The following LAMA2 variants were observed in gnomAD, a reference collection of about 807,000 sequenced individuals.
The protein encoded by LAMA2 is laminin subunit alpha 2, also known as laminin subunit alpha-2.
Under a neutral mutation model 364.8 loss-of-function variants are expected in LAMA2, and 269 were observed. That is an observed-to-expected ratio of 0.74 (90% CI 0.67 to 0.82). LAMA2 has a LOEUF of 0.82. Ranked by LOEUF, LAMA2 falls within the 40% of genes least tolerant of loss-of-function variation. LAMA2 has a pLI of 0.00. For synonymous variants in LAMA2, 1,379 were observed against 1,370.6 expected (o/e 1.01, Z -0.14); for missense variants, 3,807 against 3,873.2 (o/e 0.98, Z 0.45).
At chr6:129,392,240 A>T (rs1170040069) in intron 36 of LAMA2, among the ~76,000 whole-genome samples, 2 of 152,242 alleles carry the variant, frequency 1.3e-5, no homozygotes, top group African/African-American at 4.8e-5. Flanking sequence ...CACTCAATAA[A>T]ATAGATACAT....
chr6:129,492,021 A>G lies in LAMA2; in HGVS notation c.8019A>G (p.Pro2673=). 6.2e-7 allele frequency: 1 copy of G among 1,614,080 alleles called. No individual in the cohort carries two copies. Among genetic ancestry groups the G allele is most frequent in the Non-Finnish European group, 8.5e-7 (1 of 1,179,972 alleles). Residue 2673 remains proline (P), a synonymous_variant, in exon 57 of 65, where the codon CCA becomes CCG. Transcript: ENST00000421865. ...CTCCACCTGAATTTCAACCTTCCCC[A>G]CTCAGAAATATTCCTCCTTTTGAAG... is the stretch of plus-strand genomic sequence containing the variant. The part of the protein sequence containing the change: ...GGAPPEFQPS[P]LRNIPPFEGC...
At chr6:129,242,032 C>T (rs1202967463) in intron 12 of LAMA2, among the ~76,000 whole-genome samples, 1 of 152,114 alleles carries the variant, frequency 6.6e-6, no homozygotes, top group Admixed American at 6.6e-5. Context: ...AAATGCCCTC[C>T]ATCTGAATAA....
chr6:129,361,693 G>C (rs779888310), intron 32 of LAMA2, among the ~76,000 whole-genome samples: 1 of 151,696 alleles, frequency 6.6e-6, no homozygotes, highest in Non-Finnish European at 1.5e-5. Flanking sequence ...GTTGGTCAGA[G>C]TATGTTGCAA....
chr6:129,121,384 G>A (rs189561331), intron 4 of LAMA2, among the ~76,000 whole-genome samples: 1 of 152,234 alleles, frequency 6.6e-6, no homozygotes, highest in Admixed American at 6.5e-5. Flanking sequence ...TCTTGATGCT[G>A]TTGTTTACCA....
intron 13 of LAMA2, among the ~76,000 whole-genome samples, chr6:129,251,049 T>TCC (rs1249516042): frequency 1.9e-4 from 11 of 58,632 alleles, no homozygotes; most frequent in Non-Finnish European, 1.1e-4. Context: ...TTTCTCTCTC[T>TCC]CTCTCTCTCT....
intron 7 of LAMA2, among the ~76,000 whole-genome samples, chr6:129,153,663 T>C (rs541670788): frequency 1.3e-5 from 2 of 152,286 alleles, no homozygotes; most frequent in South Asian, 4.2e-4. Flanking sequence ...ATAATAATAA[T>C]ACCTAATTCC....
At chr6:129,333,639 T>G (rs1583516902) in intron 29 of LAMA2, among the ~76,000 whole-genome samples, 1 of 152,286 alleles carries the variant, frequency 6.6e-6, no homozygotes, top group East Asian at 1.9e-4. Context: ...TGCTTTAGTA[T>G]GCTATTTTTT....
intron 7 of LAMA2, among the ~76,000 whole-genome samples, chr6:129,149,606 T>C (rs116148046): frequency 0.019 from 2,943 of 152,204 alleles, 115 homozygotes; most frequent in African/African-American, 0.066. Context: ...GTACAATGTG[T>C]CAGACATGAC....
chr6:129,417,195 A>G (rs753938560), intron 40 of LAMA2, among the ~76,000 whole-genome samples: 1 of 152,114 alleles, frequency 6.6e-6, no homozygotes, highest in African/African-American at 2.4e-5. Flanking sequence ...CTTGTCCCAC[A>G]TCCTGGAAGA....
chr6:129,117,190 C>A (rs527578116), intron 4 of LAMA2, among the ~76,000 whole-genome samples: 1 of 152,184 alleles, frequency 6.6e-6, no homozygotes, highest in South Asian at 2.1e-4. Flanking sequence ...GCAATGAATT[C>A]TCAGAGCAAA....
At chr6:128,928,578 TCTC>T (rs974051910) in intron 1 of LAMA2, among the ~76,000 whole-genome samples, 6 of 152,310 alleles carry the variant, frequency 3.9e-5, no homozygotes, top group South Asian at 4.1e-4. Context: ...GAGGTCCCCT[TCTC>T]CTTATTCTTA....
At position 129,044,817 on chromosome 6, in the gene LAMA2, G is replaced by A. The variant is rs183167235; in HGVS notation, c.113-5101G>A. On this transcript the variant is annotated intron_variant, in intron 1 of 64. Coordinates refer to ENST00000421865, the MANE Select transcript of LAMA2 (RefSeq NM_000426.4). ...GGACCTTAAGTTGAGTTAAGAAGATGTAAGTCAATACTCTCTAAAGGTTCA... is the reference window on the plus strand; with the variant it reads ...GGACCTTAAGTTGAGTTAAGAAGATATAAGTCAATACTCTCTAAAGGTTCA... Among the ~76,000 whole-genome samples, 102 of 152,166 alleles carry A rather than the reference G, an allele frequency of 6.7e-4. 1 individual carries two copies. The highest frequency in any genetic ancestry group is 2.4e-3 in the African/African-American group (98 of 41,540).
intron 1 of LAMA2, among the ~76,000 whole-genome samples, chr6:129,026,232 C>T (rs1785804951): frequency 6.6e-6 from 1 of 151,882 alleles, no homozygotes; most frequent in African/African-American, 2.4e-5. Context: ...AGTGTTTTGA[C>T]AAGATATAAA....
At chr6:129,313,239 A>C (rs1774344091) in intron 23 of LAMA2, 142 bp downstream of exon 23, 1 of 609,462 alleles carries the variant, frequency 1.6e-6, no homozygotes, top group Non-Finnish European at 2.9e-6. Context: ...CCAGACATGG[A>C]GTTTTCATTG....
intron 1 of LAMA2, among the ~76,000 whole-genome samples, chr6:128,984,401 A>G (rs1160469385): frequency 1.3e-5 from 2 of 152,168 alleles, no homozygotes; most frequent in Non-Finnish European, 2.9e-5. Flanking sequence ...TTAAGGGCCC[A>G]TTCGTATGTA....
At chr6:129,088,354 T>C (rs2114852406) in intron 3 of LAMA2, among the ~76,000 whole-genome samples, 1 of 150,720 alleles carries the variant, frequency 6.6e-6, no homozygotes, top group Non-Finnish European at 1.5e-5. Flanking sequence ...TTCCCCCTTT[T>C]CTATTCCACA....
intron 1 of LAMA2, among the ~76,000 whole-genome samples, chr6:128,923,350 G>A (rs1308295294): frequency 6.6e-6 from 1 of 151,096 alleles, no homozygotes; most frequent in Non-Finnish European, 1.5e-5. Context: ...AGCATGGAAT[G>A]TTCTTCCATT....
intron 1 of LAMA2, among the ~76,000 whole-genome samples, chr6:129,032,522 A>G (rs1268325690): frequency 1.3e-5 from 2 of 152,202 alleles, no homozygotes; most frequent in Non-Finnish European, 2.9e-5. Context: ...TAAAGGCAGT[A>G]TTCGTTGAAT....
intron 4 of LAMA2, among the ~76,000 whole-genome samples, chr6:129,108,547 C>T (rs922932628): frequency 5.9e-5 from 9 of 151,756 alleles, no homozygotes; most frequent in Non-Finnish European, 1.2e-4. Flanking sequence ...TTCCTTAATC[C>T]CGCCCCTCTA....
Sources: gnomAD v4.1 joint callset for allele counts (sites outside exome capture counted in the v4.1 genomes callset) on GRCh38, gnomAD v4.1.1 for gene constraint, MANE v1.5 for transcripts, NCBI Gene and HGNC (gene_info 2026-07-23, HGNC 2026-07-21) for gene names.